Variants in GAS7 observed in about 807,000 individuals in gnomAD.
GAS7 encodes growth arrest specific 7.
Under a neutral mutation model 71.1 loss-of-function variants are expected in GAS7, and 28 were observed. The observed-to-expected ratio is 0.39, with a 90% CI of 0.29 to 0.54. The LOEUF (loss-of-function observed/expected upper bound fraction) is 0.54, where lower values mean the gene tolerates loss of function less well. Ranked by LOEUF, GAS7 falls within the 20% of genes least tolerant of loss-of-function variation. GAS7 has a pLI of 0.62. For synonymous variants in GAS7, 258 were observed against 245.8 expected, an observed-to-expected ratio of 1.05 and a Z score of -0.46; for missense variants, 436 against 627.8, an observed-to-expected ratio of 0.69 and a Z score of 3.27.
At chr17:9,950,855 C>CAA (rs537877970) in intron 5 of GAS7, among the ~76,000 whole-genome samples, 8 of 139,408 alleles carry the variant, frequency 5.7e-5, no homozygotes, top group Non-Finnish European at 7.8e-5. Flanking sequence ...GACTGTGTCT[C>CAA]AAAAAAAAAA....
At chr17:10,058,087 A>G (rs966162870) in intron 1 of GAS7, among the ~76,000 whole-genome samples, 3 of 152,202 alleles carry the variant, frequency 2.0e-5, no homozygotes, top group African/African-American at 7.2e-5. Flanking sequence ...CCTAATCTCA[A>G]GTACCCAGGG....
rs2073522143 is a variant in GAS7 at position 10,086,578 on chromosome 17, G to C, written c.184-66681C>G. 2.0e-5 allele frequency among the ~76,000 whole-genome samples: 3 copies of C among 152,304 alleles called. 1 individual carries two copies. The South Asian group carries it at 6.2e-4, about 32-fold the overall frequency. On this transcript the variant is annotated intron_variant, in intron 1 of 13. Transcript: ENST00000432992. Reference sequence around the variant, plus strand: ...AAGGTAGGGTAGGGAATGAAACATGGCATGAAAAGGGAAGAAATTGGGGTT... The same window carrying C: ...AAGGTAGGGTAGGGAATGAAACATGCCATGAAAAGGGAAGAAATTGGGGTT...
chr17:10,058,257 C>A (rs374255084), intron 1 of GAS7, among the ~76,000 whole-genome samples: 3,996 of 137,720 alleles, frequency 0.029, 199 homozygotes, highest in African/African-American at 0.13. Flanking sequence ...ATACTAAAAA[C>A]AAAAACAAAA....
chr17:10,192,673 T>C (rs953270620), intron 1 of GAS7, among the ~76,000 whole-genome samples: 14 of 152,180 alleles, frequency 9.2e-5, no homozygotes, highest in Admixed American at 2.6e-4. Flanking sequence ...ACTCAATCCA[T>C]AAGCCTTGCT....
Position 9,911,745 on chromosome 17 carries a change from G to A in GAS7, c.*5483C>T, listed in dbSNP as rs2067442258. 1 of 232,450 alleles carries A rather than the reference G, an allele frequency of 4.3e-6. No homozygotes were observed. Among genetic ancestry groups the A allele is most frequent in the South Asian group, 1.8e-4 (1 of 5,506 alleles). 14.4% of individuals were successfully genotyped at this position (232,450 alleles called of 1,614,324 possible). ...CGGCTCCCTACCTTGAGGCCCCGGG[G>A]GCTCAGGCTTCCTGGCCCTAATCTT... On this transcript the variant is annotated 3_prime_UTR_variant, in exon 14 of 14. Transcript: ENST00000432992. The surrounding 1 kb of genome is among the most constrained non-coding windows in gnomAD (Gnocchi z 4.0).
chr17:10,125,862 A>G (rs998997610), intron 1 of GAS7, among the ~76,000 whole-genome samples: 14 of 152,038 alleles, frequency 9.2e-5, no homozygotes, highest in Admixed American at 3.3e-4. Context: ...ATTTATATAA[A>G]CACTTCCCTT....
intron 1 of GAS7, among the ~76,000 whole-genome samples, chr17:10,056,784 C>T (rs1237842076): frequency 6.6e-6 from 1 of 150,824 alleles, no homozygotes; most frequent in Non-Finnish European, 1.5e-5. Context: ...CTCCCTCTCC[C>T]TCTCTTTCCA....
chr17:9,994,282 A>G (rs1188733805), intron 2 of GAS7, among the ~76,000 whole-genome samples: 1 of 150,260 alleles, frequency 6.7e-6, no homozygotes, highest in East Asian at 1.9e-4. Context: ...TTCAAACTAT[A>G]CTATAAGGCT....
At chr17:10,092,694 G>C (rs139767969) in intron 1 of GAS7, among the ~76,000 whole-genome samples, 3 of 152,302 alleles carry the variant, frequency 2.0e-5, no homozygotes, top group African/African-American at 7.2e-5. Context: ...CCAAAACCAA[G>C]TCAAAAATCA....
chr17:9,938,829 G>A (rs1349138797), intron 8 of GAS7, among the ~76,000 whole-genome samples: 1 of 152,118 alleles, frequency 6.6e-6, no homozygotes, highest in Non-Finnish European at 1.5e-5. Flanking sequence ...TGTTTCCATG[G>A]GTTTGCCTGT....
At chr17:10,071,104 G>T (rs1431017786) in intron 1 of GAS7, among the ~76,000 whole-genome samples, 1 of 151,598 alleles carries the variant, frequency 6.6e-6, no homozygotes, top group Non-Finnish European at 1.5e-5. Flanking sequence ...TGGGTCAGAG[G>T]GTCCCACACA....
intron 1 of GAS7, among the ~76,000 whole-genome samples, chr17:10,102,621 TAA>T (rs1287680176): frequency 1.3e-5 from 2 of 152,164 alleles, no homozygotes; most frequent in African/African-American, 4.8e-5. Context: ...CCTGGTATTT[TAA>T]ATCCAGACTT....
intron 2 of GAS7, among the ~76,000 whole-genome samples, chr17:9,986,980 CAT>C (rs2070673863): frequency 6.6e-6 from 1 of 152,208 alleles, no homozygotes; most frequent in South Asian, 2.1e-4. Context: ...CCCAGAGGAC[CAT>C]ACTACCCACA....
chr17:10,096,311 T>C (rs1201752003), intron 1 of GAS7, among the ~76,000 whole-genome samples: 2 of 152,154 alleles, frequency 1.3e-5, no homozygotes, highest in Non-Finnish European at 2.9e-5. Flanking sequence ...ACTTCCCAAA[T>C]CCCCTGTACT....
chr17:9,996,184 A>G (rs1213206675), intron 2 of GAS7, among the ~76,000 whole-genome samples: 1 of 152,182 alleles, frequency 6.6e-6, no homozygotes, highest in East Asian at 1.9e-4. Flanking sequence ...CAAATGTCCA[A>G]TGATAGACTG....
chr17:9,981,113 G>A lies in GAS7; in HGVS notation c.385+691C>T, dbSNP rs141111045. Among the ~76,000 whole-genome samples, 2,682 of 152,206 alleles carry A rather than the reference G, an allele frequency of 0.018. 77 individuals are homozygous for A. Among genetic ancestry groups the A allele is most frequent in the African/African-American group, 0.062 (2,566 of 41,518 alleles). ...TCAAGACCAGCCTGGCCAACATGGC[G>A]AAATCCCGTCTCTACTAAAAATACA... On this transcript the variant is annotated intron_variant, in intron 3 of 13. Coordinates refer to ENST00000432992, the MANE Select transcript of GAS7 (RefSeq NM_201433.2). The surrounding 1 kb of genome is among the most constrained non-coding windows in gnomAD (Gnocchi z 4.4).
intron 1 of GAS7, among the ~76,000 whole-genome samples, chr17:10,134,519 G>A (rs1567605604): frequency 6.6e-6 from 1 of 152,106 alleles, no homozygotes; most frequent in Non-Finnish European, 1.5e-5. Flanking sequence ...TTCCGTAATA[G>A]CTGAACTGAT....
At chr17:10,083,996 G>C (rs11658463) in intron 1 of GAS7, among the ~76,000 whole-genome samples, 1 of 152,088 alleles carries the variant, frequency 6.6e-6, no homozygotes, top group Non-Finnish European at 1.5e-5. Context: ...TCGGCCTGGA[G>C]GTGAGGTTTC....
chr17:9,967,745 C>T (rs1434260061), intron 4 of GAS7, among the ~76,000 whole-genome samples: 2 of 152,192 alleles, frequency 1.3e-5, no homozygotes, highest in Non-Finnish European at 1.5e-5. Flanking sequence ...TACCCATCCC[C>T]TGTTGCAGGA....
Sources: gnomAD v4.1 joint callset for allele counts (sites outside exome capture counted in the v4.1 genomes callset) on GRCh38, gnomAD v4.1.1 for gene constraint, Gnocchi (gnomAD v3.1) non-coding constraint, MANE v1.5 for transcripts, NCBI Gene and HGNC (gene_info 2026-07-23, HGNC 2026-07-21) for gene names.